NAALADL2: variants seen among roughly 807,000 people sequenced by gnomAD.
NAALADL2 encodes the protein N-acetylated alpha-linked acidic dipeptidase like 2, also known as inactive N-acetylated-alpha-linked acidic dipeptidase-like protein 2.
Under a neutral mutation model 87.2 loss-of-function variants are expected in NAALADL2, and 76 were observed. The observed-to-expected ratio is 0.87, with a 90% CI of 0.72 to 1.05. NAALADL2 has a LOEUF of 1.05. Ranked by LOEUF, NAALADL2 falls within the 50% of genes least tolerant of loss-of-function variation. The probability of loss-of-function intolerance (pLI) is 0.00; values close to 1 mark genes in which losing one functional copy is unlikely to be tolerated. For missense variants in NAALADL2, 1,089 were observed against 945.8 expected, an observed-to-expected ratio of 1.15 and a Z score of -1.99; for synonymous variants, 354 against 331.0, an observed-to-expected ratio of 1.07 and a Z score of -0.75.
At chr3:175,572,099 T>G (rs1220621807) in intron 9 of NAALADL2, among the ~76,000 whole-genome samples, 1 of 152,052 alleles carries the variant, frequency 6.6e-6, no homozygotes, top group Non-Finnish European at 1.5e-5. Flanking sequence ...AAACTCTGGG[T>G]TCAGTAGGTG....
intron 3 of NAALADL2, among the ~76,000 whole-genome samples, chr3:175,252,633 T>G (rs1483504038): frequency 6.6e-6 from 1 of 152,094 alleles, no homozygotes; most frequent in African/African-American, 2.4e-5. Flanking sequence ...ATGATTAAGC[T>G]TAGTAAGGAA....
chr3:174,899,569 CCA>C (rs2081549331), intron 1 of NAALADL2, among the ~76,000 whole-genome samples: 1 of 152,098 alleles, frequency 6.6e-6, no homozygotes, highest in African/African-American at 2.4e-5. Flanking sequence ...TTGCCTTCTG[CCA>C]TAATGTAAGT....
intron 4 of NAALADL2, among the ~76,000 whole-genome samples, chr3:175,271,261 G>A (rs1752789275): frequency 1.3e-5 from 2 of 152,226 alleles, no homozygotes; most frequent in African/African-American, 4.8e-5. Context: ...TTGTTTATTG[G>A]TAGATTATCA....
chr3:174,640,099 T>A (rs2108726892), intron 2 of NAALADL2, among the ~76,000 whole-genome samples: 1 of 152,276 alleles, frequency 6.6e-6, no homozygotes. Flanking sequence ...GGAGGGAAGC[T>A]TGGTATATAA....
At chr3:175,029,807 T>G (rs1752622637) in intron 1 of NAALADL2, among the ~76,000 whole-genome samples, 1 of 152,084 alleles carries the variant, frequency 6.6e-6, no homozygotes, top group African/African-American at 2.4e-5. Context: ...GTATGTTTTG[T>G]TCCCCAAGAG....
Position 175,206,625 on chromosome 3 carries a change from G to A in NAALADL2, c.546-27306G>A, listed in dbSNP as rs149542616. ...GTTCAGTGTATACTGCTCGGGTGATGGTTACACCAAAATCTCACAAATCAC... is the reference window on the plus strand; with the variant it reads ...GTTCAGTGTATACTGCTCGGGTGATAGTTACACCAAAATCTCACAAATCAC... On this transcript the variant is annotated intron_variant, in intron 2 of 13. Coordinates refer to ENST00000454872, the MANE Select transcript of NAALADL2 (RefSeq NM_207015.3). Among the ~76,000 whole-genome samples the A allele has an allele frequency of 9.1e-3, 1,384 of 151,854 alleles. 21 individuals are homozygous for A. The highest frequency in any genetic ancestry group is 0.031 in the African/African-American group (1,263 of 41,378).
intron 1 of NAALADL2, among the ~76,000 whole-genome samples, chr3:174,966,192 A>G (rs1742836971): frequency 6.6e-6 from 1 of 152,194 alleles, no homozygotes; most frequent in Non-Finnish European, 1.5e-5. Context: ...ACTTTTCTGC[A>G]TAAATTAAGC....
At chr3:175,010,505 A>T (rs774660005) in intron 1 of NAALADL2, among the ~76,000 whole-genome samples, 37 of 152,158 alleles carry the variant, frequency 2.4e-4, no homozygotes, top group Non-Finnish European at 4.4e-4. Flanking sequence ...CAGCAAAATT[A>T]TCTTAATATA....
In NAALADL2 at chr3:175,389,457, A is replaced by G. The variant is rs578017959; in HGVS notation, c.1091-57772A>G. Among the ~76,000 whole-genome samples, 3 of 152,318 alleles carry G rather than the reference A, an allele frequency of 2.0e-5. No homozygotes were observed. The South Asian group carries it at 6.2e-4, about 32-fold the overall frequency. ...AATATTATCTTATCAATATAAGCAC[A>G]GTTCAAACCTTCACTTAAATAATTC... On this transcript the variant is annotated intron_variant, in intron 5 of 13. Transcript: ENST00000454872.
chr3:174,519,652 T>C (rs1720151355), intron 1 of NAALADL2, among the ~76,000 whole-genome samples: 2 of 151,998 alleles, frequency 1.3e-5, no homozygotes, highest in African/African-American at 4.8e-5. Flanking sequence ...TAATGCTCCC[T>C]ATTTTTCATG....
At chr3:175,010,529 G>A (rs1223021415) in intron 1 of NAALADL2, among the ~76,000 whole-genome samples, 1 of 152,112 alleles carries the variant, frequency 6.6e-6, no homozygotes, top group East Asian at 1.9e-4. Flanking sequence ...TTGTTAAGTG[G>A]TCTATTTTCT....
chr3:174,907,445 C>T (rs567753057), intron 1 of NAALADL2, among the ~76,000 whole-genome samples: 2 of 152,002 alleles, frequency 1.3e-5, no homozygotes, highest in African/African-American at 2.4e-5. Context: ...AGGTCTTGAA[C>T]ATTTTCATGT....
chr3:175,783,511 A>T (rs1330005389), intron 13 of NAALADL2, among the ~76,000 whole-genome samples: 159 of 151,428 alleles, frequency 1.0e-3, no homozygotes, highest in Non-Finnish European at 1.6e-3. Context: ...TCTGTCTGTT[A>T]TTGGTGTATA....
intron 2 of NAALADL2, among the ~76,000 whole-genome samples, chr3:175,130,291 G>A (rs1044015273): frequency 6.6e-6 from 1 of 151,950 alleles, no homozygotes; most frequent in Non-Finnish European, 1.5e-5. Context: ...CCATTCTGTG[G>A]GTTGCCTTTT....
chr3:174,768,202 G>T (rs1267912736), intron 3 of NAALADL2, among the ~76,000 whole-genome samples: 3 of 152,232 alleles, frequency 2.0e-5, no homozygotes, highest in East Asian at 3.9e-4. Flanking sequence ...ATGATAAATT[G>T]TTTTGGAGAG....
At chr3:175,509,970 T>G (rs1730907829) in intron 9 of NAALADL2, among the ~76,000 whole-genome samples, 3 of 152,250 alleles carry the variant, frequency 2.0e-5, no homozygotes, top group African/African-American at 7.2e-5. Flanking sequence ...CATTTAGCAT[T>G]CGGTATGTCT....
chr3:174,577,929 AT>A (rs1457477864), intron 2 of NAALADL2, among the ~76,000 whole-genome samples: 2 of 152,042 alleles, frequency 1.3e-5, no homozygotes, highest in Non-Finnish European at 2.9e-5. Context: ...GAGCAGAGAA[AT>A]AGAAACTATA....
chr3:174,485,722 A>G (rs1241513787), intron 1 of NAALADL2, among the ~76,000 whole-genome samples: 1 of 151,772 alleles, frequency 6.6e-6, no homozygotes, highest in Non-Finnish European at 1.5e-5. Context: ...TTTTGATTCT[A>G]TGTCTTTTGC....
chr3:175,708,072 G>A (rs1366167132), intron 11 of NAALADL2, among the ~76,000 whole-genome samples: 1 of 152,018 alleles, frequency 6.6e-6, no homozygotes, highest in Non-Finnish European at 1.5e-5. Context: ...AATTCCAGAA[G>A]TGACAAGGAG....
Sources: allele counts gnomAD v4.1 joint callset (sites outside exome capture counted in the v4.1 genomes callset), GRCh38; gene constraint gnomAD v4.1.1; transcripts MANE v1.5; gene names NCBI Gene and HGNC (gene_info 2026-07-23, HGNC 2026-07-21).